THSD7B: variants seen among roughly 807,000 people sequenced by gnomAD.
The protein encoded by THSD7B is thrombospondin type-1 domain-containing protein 7B.
Under a neutral mutation model 213.6 loss-of-function variants are expected in THSD7B, and 138 were observed. The observed-to-expected ratio is 0.65, with a 90% CI of 0.56 to 0.74. THSD7B has a LOEUF of 0.74. Among genes scored for constraint, THSD7B ranks in the 30% least tolerant of loss-of-function variants. The pLI is 0.00. For synonymous variants in THSD7B, 742 were observed against 687.0 expected (o/e 1.08, Z -1.25); for missense variants, 1,931 against 1,991.5 (o/e 0.97, Z 0.58).
At chr2:136,889,809 A>G (rs1683783159) in intron 2 of THSD7B, among the ~76,000 whole-genome samples, 1 of 152,142 alleles carries the variant, frequency 6.6e-6, no homozygotes, top group Non-Finnish European at 1.5e-5. Flanking sequence ...TCATCTGTGG[A>G]ACATCCTTTT....
intron 12 of THSD7B, among the ~76,000 whole-genome samples, chr2:137,361,461 T>TCG (rs1223443750): frequency 1.1e-4 from 16 of 151,902 alleles, no homozygotes; most frequent in African/African-American, 3.9e-4. Flanking sequence ...TTCAAACCCA[T>TCG]CAAAAGGAAG....
At chr2:136,912,217 GA>G (rs1247004814) in intron 2 of THSD7B, among the ~76,000 whole-genome samples, 1 of 151,660 alleles carries the variant, frequency 6.6e-6, no homozygotes, top group Non-Finnish European at 1.5e-5. Flanking sequence ...AGCTAGTCAT[GA>G]GGCTGAGGCA....
chr2:136,977,666 T>C (rs1250229855), intron 2 of THSD7B, among the ~76,000 whole-genome samples: 2 of 152,188 alleles, frequency 1.3e-5, no homozygotes, highest in African/African-American at 4.8e-5. Flanking sequence ...GTTGTCTCTT[T>C]GTTCTCATTA....
At chr2:137,058,495 A>T (rs1687209289) in intron 3 of THSD7B, among the ~76,000 whole-genome samples, 1 of 152,140 alleles carries the variant, frequency 6.6e-6, no homozygotes, top group African/African-American at 2.4e-5. Flanking sequence ...TTAAATTTTC[A>T]GAAAAAATGA....
chr2:137,016,145 A>G (rs1427682104), intron 2 of THSD7B, among the ~76,000 whole-genome samples: 1 of 152,086 alleles, frequency 6.6e-6, no homozygotes, highest in Non-Finnish European at 1.5e-5. Flanking sequence ...AAGGTAGGTA[A>G]AGTGTTCCTC....
chr2:136,984,644 AAGAATGGCCTAATAG>A (rs1260058476), intron 2 of THSD7B, among the ~76,000 whole-genome samples: 1 of 152,254 alleles, frequency 6.6e-6, no homozygotes, highest in African/African-American at 2.4e-5. Context: ...TAGTGACACA[AAGAATGGCCTAATAG>A]AGAAAATTAG....
At chr2:136,879,505 G>C (rs1235432773) in intron 1 of THSD7B, among the ~76,000 whole-genome samples, 2 of 152,124 alleles carry the variant, frequency 1.3e-5, no homozygotes, top group South Asian at 2.1e-4. Context: ...AATTGCCTTG[G>C]GCAGTATGGC....
chr2:137,506,322 A>G lies in THSD7B; in HGVS notation c.3138+55299A>G, dbSNP rs544496914. On this transcript the variant is annotated intron_variant, in intron 15 of 27. Coordinates refer to ENST00000409968, the MANE Select transcript of THSD7B (RefSeq NM_001316349.2). Reference sequence around the variant, plus strand: ...TCAAAAACTTCACCATTTACACACAAGGGGGATTTTCTTTAGATGTTGGAT... The same window carrying G: ...TCAAAAACTTCACCATTTACACACAGGGGGGATTTTCTTTAGATGTTGGAT... 5.9e-5 allele frequency among the ~76,000 whole-genome samples: 9 copies of G among 152,266 alleles called. No homozygotes were observed. The South Asian group carries it at 1.9e-3, about 32-fold the overall frequency.
chr2:137,019,153 A>G (rs959347530), intron 2 of THSD7B, among the ~76,000 whole-genome samples: 1 of 152,130 alleles, frequency 6.6e-6, no homozygotes, highest in African/African-American at 2.4e-5. Context: ...TTCATGTGAC[A>G]TCTCCACGAG....
chr2:137,402,209 G>C (rs1178399122), intron 12 of THSD7B, among the ~76,000 whole-genome samples: 1 of 152,144 alleles, frequency 6.6e-6, no homozygotes, highest in Non-Finnish European at 1.5e-5. Flanking sequence ...AGGGCATGAA[G>C]AATTAAATAA....
chr2:136,777,516 A>G (rs975449536), intron 1 of THSD7B, among the ~76,000 whole-genome samples: 1 of 152,134 alleles, frequency 6.6e-6, no homozygotes, highest in African/African-American at 2.4e-5. Flanking sequence ...CAAATCCAAA[A>G]GACATTTTCC....
chr2:137,668,365 G>C lies in THSD7B; in HGVS notation c.4739+504G>C, dbSNP rs147270057. Among the ~76,000 whole-genome samples the C allele has an allele frequency of 5.4e-4, 81 of 151,374 alleles. No individual in the cohort carries two copies. The East Asian group carries it at 0.015, about 27-fold the overall frequency. On this transcript the variant is annotated intron_variant, in intron 27 of 27. Transcript: ENST00000409968. ...AATGACCAGTTGGTTGAAAGAACCT[G>C]TAAGCACATTTTAAATAGTAGAGCA...
At chr2:136,907,023 C>T (rs1684176959) in intron 2 of THSD7B, among the ~76,000 whole-genome samples, 1 of 135,964 alleles carries the variant, frequency 7.4e-6, no homozygotes, top group African/African-American at 2.7e-5. Context: ...TGGCTCACTG[C>T]AACCTCCACC....
At chr2:137,402,766 A>T (rs2104999203) in intron 12 of THSD7B, among the ~76,000 whole-genome samples, 1 of 149,630 alleles carries the variant, frequency 6.7e-6, no homozygotes, top group African/African-American at 2.5e-5. Context: ...CAGTGAGCTG[A>T]GATCACATCA....
chr2:137,412,001 G>T (rs1290048132), intron 14 of THSD7B, 129 bp downstream of exon 14: 10 of 1,084,986 alleles, frequency 9.2e-6, no homozygotes, highest in Non-Finnish European at 1.3e-5. Flanking sequence ...ATAACACATT[G>T]TCTCTCATAA....
chr2:137,656,827 G>A lies in THSD7B; in HGVS notation c.4137G>A (p.Trp1379Ter). ...GCCATTTAACAGAATGGTCAGAGTG[G>A]AGCACATGTGAATTAACCTGCATTG... The part of the protein sequence containing the change: ...GDCHLTEWSE[W>*]STCELTCIDG... Residue 1379 changes from tryptophan (W) to a stop codon, truncating the protein, a stop_gained, in exon 23 of 28, where the codon TGG becomes TGA. Coordinates refer to ENST00000409968, the MANE Select transcript of THSD7B (RefSeq NM_001316349.2). LOFTEE classifies it high-confidence loss of function. The A allele has an allele frequency of 1.2e-6, 2 of 1,613,962 alleles. No individual in the cohort carries two copies. The highest frequency in any genetic ancestry group is 1.3e-5 in the African/African-American group (1 of 75,026).
At chr2:137,237,605 C>T (rs1681796550) in intron 9 of THSD7B, among the ~76,000 whole-genome samples, 1 of 152,114 alleles carries the variant, frequency 6.6e-6, no homozygotes, top group African/African-American at 2.4e-5. Flanking sequence ...GCATCAGCAC[C>T]CCAAAAGTTA....
intron 2 of THSD7B, among the ~76,000 whole-genome samples, chr2:137,050,023 T>A (rs1457898914): frequency 6.6e-6 from 1 of 152,188 alleles, no homozygotes; most frequent in African/African-American, 2.4e-5. Context: ...CCATTTTTGC[T>A]CCAAATGATT....
intron 15 of THSD7B, among the ~76,000 whole-genome samples, chr2:137,490,391 G>A (rs952200527): frequency 6.6e-6 from 1 of 152,268 alleles, no homozygotes; most frequent in Admixed American, 6.5e-5. Flanking sequence ...AGTGAGATAA[G>A]TTAAATATTT....
Sources: allele counts gnomAD v4.1 joint callset (sites outside exome capture counted in the v4.1 genomes callset), GRCh38; gene constraint gnomAD v4.1.1; transcripts MANE v1.5; gene names NCBI Gene and HGNC (gene_info 2026-07-23, HGNC 2026-07-21).